The following TMEFF1 variants were observed in gnomAD, a reference collection of about 807,000 sequenced individuals.
TMEFF1 encodes tomoregulin-1.
A neutral mutation model predicts 47.5 loss-of-function variants in TMEFF1; 20 were observed. That is an observed-to-expected ratio of 0.42 (90% CI 0.30 to 0.61). The LOEUF is 0.61. Among genes scored for constraint, TMEFF1 ranks in the 20% least tolerant of loss-of-function variants. TMEFF1 has a pLI of 0.19. For synonymous variants in TMEFF1, 162 were observed against 166.3 expected (o/e 0.97, Z 0.20); for missense variants, 411 against 471.1 (o/e 0.87, Z 1.18).
intron 1 of TMEFF1, among the ~76,000 whole-genome samples, chr9:100,481,140 C>T (rs1476654173): frequency 1.3e-5 from 2 of 152,220 alleles, no homozygotes; most frequent in Non-Finnish European, 2.9e-5. Flanking sequence ...CTCCACCTTC[C>T]ATCCACAATG....
intron 7 of TMEFF1, among the ~76,000 whole-genome samples, chr9:100,558,034 A>AC (rs1587854842): frequency 6.6e-6 from 1 of 152,236 alleles, no homozygotes; most frequent in East Asian, 1.9e-4. Flanking sequence ...GCTTGATACC[A>AC]CATTCTTTCA....
chr9:100,559,264 T>A (rs1838970607), intron 7 of TMEFF1, among the ~76,000 whole-genome samples: 1 of 152,160 alleles, frequency 6.6e-6, no homozygotes, highest in African/African-American at 2.4e-5. Flanking sequence ...TCTTTTGCAA[T>A]GGCAGAATTA....
intron 9 of TMEFF1, among the ~76,000 whole-genome samples, chr9:100,574,674 T>A (rs997435273): frequency 6.6e-6 from 1 of 152,084 alleles, no homozygotes; most frequent in African/African-American, 2.4e-5. Flanking sequence ...TAGTGCCATT[T>A]TTAAGAGGAT....
rs114371080 is a variant in TMEFF1, at chr9:100,520,707, A to G, written c.560+3936A>G. On this transcript the variant is annotated intron_variant, in intron 5 of 9. Transcript: ENST00000374879. ...TCAGAGCATTTTTTACACATAATAT[A>G]TTTTTAAGCTATTCTGAGCAGTTCT... 2.4e-3 allele frequency among the ~76,000 whole-genome samples: 359 copies of G among 152,334 alleles called. 2 individuals are homozygous for G. Among genetic ancestry groups the G allele is most frequent in the African/African-American group, 8.1e-3 (338 of 41,576 alleles).
intron 5 of TMEFF1, among the ~76,000 whole-genome samples, chr9:100,519,729 T>G (rs1220379395): frequency 6.7e-6 from 1 of 148,740 alleles, no homozygotes; most frequent in Non-Finnish European, 1.5e-5. Flanking sequence ...ATTTCTTTAC[T>G]TCTGTATTAA....
At chr9:100,475,110 A>G (rs886233228) in intron 1 of TMEFF1, among the ~76,000 whole-genome samples, 2 of 152,164 alleles carry the variant, frequency 1.3e-5, no homozygotes, top group Non-Finnish European at 2.9e-5. Flanking sequence ...ACATAAGGCC[A>G]CTGGGAATCT....
chr9:100,496,832 G>A (rs1339556618), intron 1 of TMEFF1, among the ~76,000 whole-genome samples: 1 of 152,162 alleles, frequency 6.6e-6, no homozygotes, highest in African/African-American at 2.4e-5. Context: ...AGAACCCAGT[G>A]TGAACTTTAA....
intron 1 of TMEFF1, among the ~76,000 whole-genome samples, chr9:100,479,713 TG>T (rs1231451657): frequency 2.0e-5 from 3 of 152,246 alleles, no homozygotes; most frequent in Non-Finnish European, 1.5e-5. Context: ...TTCCTTTTTA[TG>T]GCCAAATAAT....
intron 2 of TMEFF1, among the ~76,000 whole-genome samples, chr9:100,505,859 G>T (rs546320498): frequency 1.3e-5 from 2 of 152,320 alleles, no homozygotes; most frequent in Non-Finnish European, 1.5e-5. Flanking sequence ...TTTAGCACTT[G>T]ATATCTTGGA....
chr9:100,574,001 G>A (rs1293808229), intron 9 of TMEFF1, among the ~76,000 whole-genome samples: 1 of 152,146 alleles, frequency 6.6e-6, no homozygotes, highest in African/African-American at 2.4e-5. Context: ...CAGAGGTTAA[G>A]TAATTTGTCT....
intron 5 of TMEFF1, among the ~76,000 whole-genome samples, chr9:100,525,852 C>G (rs1838244995): frequency 6.6e-6 from 1 of 152,218 alleles, no homozygotes; most frequent in Non-Finnish European, 1.5e-5. Context: ...GAACTGGGAA[C>G]AAAGACCATG....
In TMEFF1 at chr9:100,473,642, CTCTGCCCGGGA is replaced by C. The variant is rs1399106154; in HGVS notation, c.99_109del (p.Leu34ProfsTer36). 2 of 1,553,284 alleles carry C rather than the reference CTCTGCCCGGGA, an allele frequency of 1.3e-6. No homozygotes were observed. Among genetic ancestry groups the C allele is most frequent in the Non-Finnish European group, 1.7e-6 (2 of 1,149,648 alleles). ...TCGGTGCTTCTGCTCTTCGCCTTCT[CTCTGCCCGGGA>C]GCCGCGCGTCCAACCAGCCCCCGGG... On this transcript the variant is annotated frameshift_variant, in exon 1 of 10. Coordinates refer to ENST00000374879, the MANE Select transcript of TMEFF1 (RefSeq NM_003692.5). LOFTEE classifies it high-confidence loss of function. This position sits in a 1 kb window ranked among gnomAD's most constrained non-coding sequence, Gnocchi z 5.4.
intron 5 of TMEFF1, chr9:100,518,469 C>T (rs1838109297): frequency 2.0e-6 from 2 of 985,320 alleles, no homozygotes; most frequent in Non-Finnish European, 2.4e-6. Flanking sequence ...GAAGGGCTTA[C>T]CAATAGTAAG....
rs1838876136 is a variant in TMEFF1, at chr9:100,554,192, A to G, written c.775+4032A>G. 2.6e-5 allele frequency among the ~76,000 whole-genome samples: 4 copies of G among 152,280 alleles called. No individual in the cohort carries two copies. The South Asian group carries it at 8.3e-4, about 32-fold the overall frequency. ...ATAGCGAGATAGTGATATCATTTCC[A>G]TTACTGGTGACTGTTTAGATATTTC... On this transcript the variant is annotated intron_variant, in intron 7 of 9. Coordinates refer to ENST00000374879, the MANE Select transcript of TMEFF1 (RefSeq NM_003692.5).
chr9:100,541,473 G>A (rs1240560714), intron 5 of TMEFF1, among the ~76,000 whole-genome samples: 1 of 147,834 alleles, frequency 6.8e-6, no homozygotes, highest in Non-Finnish European at 1.5e-5. Flanking sequence ...TCCCAAGTTC[G>A]AGTGATTCTC....
chr9:100,475,502 G>C (rs1837206118), intron 1 of TMEFF1, among the ~76,000 whole-genome samples: 1 of 152,130 alleles, frequency 6.6e-6, no homozygotes, highest in South Asian at 2.1e-4. Flanking sequence ...TATCAAACTT[G>C]TAAGTGATCG....
chr9:100,487,769 C>CT (rs36068037), intron 1 of TMEFF1, among the ~76,000 whole-genome samples: 153 of 145,270 alleles, frequency 1.1e-3, no homozygotes, highest in South Asian at 2.6e-3. Context: ...TATTATACTC[C>CT]TTTTTTTTTT....
At chr9:100,516,799 G>T (rs966775388) in intron 5 of TMEFF1, 28 bp downstream of exon 5, 5 of 1,606,350 alleles carry the variant, frequency 3.1e-6, no homozygotes, top group Non-Finnish European at 3.4e-6. Context: ...AAGGGACAAA[G>T]TTATTTAGAG....
intron 5 of TMEFF1, among the ~76,000 whole-genome samples, chr9:100,533,730 T>C (rs542633511): frequency 6.6e-6 from 1 of 152,296 alleles, no homozygotes; most frequent in East Asian, 1.9e-4. Context: ...TTTATTTATT[T>C]ATTTTTTGAG....
Sources: allele counts gnomAD v4.1 joint callset (sites outside exome capture counted in the v4.1 genomes callset), GRCh38; gene constraint gnomAD v4.1.1; non-coding constraint Gnocchi (gnomAD v3.1); transcripts MANE v1.5; gene names NCBI Gene and HGNC (gene_info 2026-07-23, HGNC 2026-07-21).